Variants in SMG6 observed in about 807,000 individuals in gnomAD.
SMG6 encodes the protein SMG6 nonsense mediated mRNA decay factor.
In SMG6, 66 loss-of-function variants were observed where a neutral mutation model predicts 142.2. The observed-to-expected ratio is 0.46, with a 90% CI of 0.38 to 0.57. The LOEUF is 0.57. Ranked by LOEUF, SMG6 falls within the 20% of genes least tolerant of loss-of-function variation. The probability of loss-of-function intolerance (pLI) is 0.00; values close to 1 mark genes in which losing one functional copy is unlikely to be tolerated. For missense variants in SMG6, 1,793 were observed against 1,832.0 expected (o/e 0.98, Z 0.39); for synonymous variants, 779 against 702.4 (o/e 1.11, Z -1.72).
At chr17:2,215,222 C>CAA (rs1429790370) in intron 10 of SMG6, among the ~76,000 whole-genome samples, 6 of 151,480 alleles carry the variant, frequency 4.0e-5, no homozygotes, top group African/African-American at 1.5e-4. Flanking sequence ...AACACACACA[C>CAA]ACGCGCGCGC....
At chr17:2,192,598 G>C (rs1187816581) in intron 10 of SMG6, among the ~76,000 whole-genome samples, 1 of 152,190 alleles carries the variant, frequency 6.6e-6, no homozygotes, top group Non-Finnish European at 1.5e-5. Flanking sequence ...GAAAGGAAAT[G>C]AATGGTCAGT....
At chr17:2,199,922 GTTTT>G (rs1223745520) in intron 10 of SMG6, 1 of 150,638 alleles carries the variant, frequency 6.6e-6, no homozygotes, top group South Asian at 2.1e-4. Flanking sequence ...ACAAAGGTTT[GTTTT>G]TTTTGTTTGT....
intron 8 of SMG6, among the ~76,000 whole-genome samples, chr17:2,276,036 T>A (rs556573724): frequency 2.6e-5 from 4 of 152,326 alleles, no homozygotes; most frequent in South Asian, 4.1e-4. Flanking sequence ...GGATCTAAAT[T>A]TAAGCAGTCT....
rs1027299705 is a variant in SMG6, at chr17:2,080,131, G to A, written c.3681+1679C>T. On this transcript the variant is annotated intron_variant, in intron 15 of 18. Transcript: ENST00000263073. Reference sequence around the variant, plus strand: ...AAACAAAACAAAACAAAAGAATGATGGATCTTGGCCAGTGTGACGGCTCAT... The same window carrying A: ...AAACAAAACAAAACAAAAGAATGATAGATCTTGGCCAGTGTGACGGCTCAT... 2.0e-5 allele frequency among the ~76,000 whole-genome samples: 3 copies of A among 147,840 alleles called. No homozygotes were observed. In the Admixed American group the frequency reaches 2.0e-4, roughly 10 times the overall value.
chr17:2,108,989 T>C (rs1032316639), intron 13 of SMG6, among the ~76,000 whole-genome samples: 19 of 152,164 alleles, frequency 1.2e-4, no homozygotes, highest in Admixed American at 2.6e-4. Flanking sequence ...TAAAATCTTA[T>C]GAAATAACTA....
intron 2 of SMG6, 94 bp from the exon 3 acceptor site, chr17:2,298,149 T>C (rs1239357086): frequency 5.4e-5 from 62 of 1,153,490 alleles, no homozygotes; most frequent in Non-Finnish European, 5.0e-5. Context: ...CCACCTCCCC[T>C]GGCAGGAAAT....
chr17:2,160,254 CTA>C (rs2071134008), intron 13 of SMG6, among the ~76,000 whole-genome samples: 2 of 152,140 alleles, frequency 1.3e-5, no homozygotes, highest in Admixed American at 1.3e-4. Flanking sequence ...AGATCTCACT[CTA>C]TTGCCCAGGC....
intron 13 of SMG6, chr17:2,127,677 G>A: frequency 1.8e-6 from 1 of 568,586 alleles, no homozygotes; most frequent in Non-Finnish European, 3.5e-6. Context: ...TCTTTTCTAG[G>A]TTGAAGTCTA....
chr17:2,099,316 G>A (rs2068943935), intron 13 of SMG6, among the ~76,000 whole-genome samples: 1 of 152,024 alleles, frequency 6.6e-6, no homozygotes, highest in Non-Finnish European at 1.5e-5. Context: ...ATAAGGAATA[G>A]GGACTCCTCT....
intron 13 of SMG6, chr17:2,095,125 G>A (rs1193809485): frequency 6.6e-6 from 1 of 152,352 alleles, no homozygotes; most frequent in African/African-American, 2.4e-5. Context: ...TCTGAAACCT[G>A]GAACACAGGC....
At chr17:2,176,601 C>T (rs1394986538) in intron 12 of SMG6, among the ~76,000 whole-genome samples, 2 of 152,122 alleles carry the variant, frequency 1.3e-5, no homozygotes, top group African/African-American at 2.4e-5. Context: ...CCAGAGAATA[C>T]GCAACTGTGT....
rs1363994725 is a variant in SMG6 at position 2,085,846 on chromosome 17, A to C, written c.3413T>G (p.Leu1138Arg). Residue 1138 changes from leucine (L) to arginine (R), a missense_variant, in exon 14 of 19, where the codon CTT becomes CGT. By Grantham distance (102) the Leu-to-Arg change is moderately radical (BLOSUM62 -2). Around this residue, in one of 3 missense-constraint regions of SMG6, gnomAD observed 1,597 missense variants for 1,584.6 expected, o/e 1.01. Transcript: ENST00000263073. The surrounding 1 kb of genome is among the most constrained non-coding windows in gnomAD (Gnocchi z 4.1). The stretch of plus-strand genomic sequence containing the variant: ...CAGCAGAGGCTCTTCTTGTCCACAA[A>C]GGGCTTCCAGAAAATACTTCAGCAC... Reference protein sequence around the residue: ...VTVLKYFLEALCGQEEPLLAF... With the variant: ...VTVLKYFLEARCGQEEPLLAF... The C allele has an allele frequency of 6.2e-7, 1 of 1,614,218 alleles. No individual in the cohort carries two copies. The highest frequency in any genetic ancestry group is 8.5e-7 in the Non-Finnish European group (1 of 1,180,034).
At chr17:2,120,468 C>G (rs547473990) in intron 13 of SMG6, among the ~76,000 whole-genome samples, 88 of 152,282 alleles carry the variant, frequency 5.8e-4, no homozygotes, top group African/African-American at 1.9e-3. Context: ...GGGCTCACGC[C>G]TAGCACTTTG....
chr17:2,084,946 G>C (rs908913052), intron 14 of SMG6, among the ~76,000 whole-genome samples: 2 of 152,170 alleles, frequency 1.3e-5, no homozygotes, highest in African/African-American at 4.8e-5. Flanking sequence ...AACCCACAGA[G>C]AGCAGGGAAG....
intron 7 of SMG6, among the ~76,000 whole-genome samples, chr17:2,283,063 G>A (rs959661885): frequency 1.3e-5 from 2 of 152,088 alleles, no homozygotes; most frequent in African/African-American, 2.4e-5. Flanking sequence ...CTAGCTACTC[G>A]GGAGGCTGAG....
Position 2,299,474 on chromosome 17 carries a change from A to T in SMG6, c.1279T>A (p.Ser427Thr). 6.2e-7 allele frequency: 1 copy of T among 1,614,084 alleles called. No homozygotes were observed. Among genetic ancestry groups the T allele is most frequent in the Admixed American group, 1.7e-5 (1 of 60,002 alleles). ...AAAAGCCGAGGTCCCAAAGGCGCGGACTCTGGAGAACCTGCTGAATTGACA... is the reference window on the plus strand; with the variant it reads ...AAAAGCCGAGGTCCCAAAGGCGCGGTCTCTGGAGAACCTGCTGAATTGACA... The part of the protein sequence containing the change: ...LSVNSAGSPE[S>T]APLGPRLLFG... Residue 427 changes from serine (S) to threonine (T), a missense_variant, in exon 2 of 19, where the codon TCC becomes ACC. Physicochemically the swap from Ser to Thr is moderately conservative, Grantham distance 58. Coordinates refer to ENST00000263073, the MANE Select transcript of SMG6 (RefSeq NM_017575.5). The surrounding 1 kb of genome is among the most constrained non-coding windows in gnomAD (Gnocchi z 4.3).
At chr17:2,190,709 C>T (rs1371907262) in intron 10 of SMG6, among the ~76,000 whole-genome samples, 3 of 150,708 alleles carry the variant, frequency 2.0e-5, no homozygotes, top group Admixed American at 1.3e-4. Context: ...TCTGAAAGTG[C>T]TCAGCCACCT....
At chr17:2,287,089 G>A (rs545054994) in intron 6 of SMG6, among the ~76,000 whole-genome samples, 2 of 152,050 alleles carry the variant, frequency 1.3e-5, no homozygotes, top group Admixed American at 1.3e-4. Flanking sequence ...CTGCCACTGC[G>A]CCTGGCTAAT....
At chr17:2,204,387 CATTT>C (rs1467406725) in intron 10 of SMG6, among the ~76,000 whole-genome samples, 2 of 152,188 alleles carry the variant, frequency 1.3e-5, no homozygotes, top group Non-Finnish European at 2.9e-5. Flanking sequence ...TCTGCACATT[CATTT>C]GACTCTGCTC....
Sources: allele counts gnomAD v4.1 joint callset (sites outside exome capture counted in the v4.1 genomes callset), GRCh38; gene constraint gnomAD v4.1.1; regional missense constraint gnomAD v4.1.1; non-coding constraint Gnocchi (gnomAD v3.1); transcripts MANE v1.5; gene names NCBI Gene and HGNC (gene_info 2026-07-23, HGNC 2026-07-21).